Variants in PKMYT1 observed in about 807,000 individuals in gnomAD.
PKMYT1 encodes the protein protein kinase, membrane associated tyrosine/threonine 1, also known as membrane-associated tyrosine- and threonine-specific cdc2-inhibitory kinase.
In PKMYT1, 35 loss-of-function variants were observed where a neutral mutation model predicts 49.7. The observed-to-expected ratio is 0.70, with a 90% CI of 0.54 to 0.93. The LOEUF is 0.93. PKMYT1 is among the 40% of genes least tolerant of loss of function. The probability of loss-of-function intolerance (pLI) is 0.00; values close to 1 mark genes in which losing one functional copy is unlikely to be tolerated. For missense variants in PKMYT1, 677 were observed against 673.1 expected, an observed-to-expected ratio of 1.01 and a Z score of -0.06; for synonymous variants, 331 against 287.6, an observed-to-expected ratio of 1.15 and a Z score of -1.53.
chr16:2,973,262 T>C, intron 7 of PKMYT1, 47 bp from the exon 8 acceptor site: 1 of 1,481,544 alleles, frequency 6.7e-7, no homozygotes, highest in Non-Finnish European at 9.0e-7. Flanking sequence ...GGCTAGGGAG[T>C]GCCGGATGAA....
rs745515868 is a variant in PKMYT1 at position 2,974,139 on chromosome 16, A to G, written c.1171T>C (p.Cys391Arg). Residue 391 changes from cysteine to arginine, a missense_variant, in exon 7 of 9, where the codon TGC becomes CGC. Coordinates refer to ENST00000262300, the MANE Select transcript of PKMYT1 (RefSeq NM_004203.5). Reference protein sequence around the residue: ...ALWQALLALLCWLWHGLAHPA... With the variant: ...ALWQALLALLRWLWHGLAHPA... ...TGAGCCAGCCCATGCCAGAGCCAGC[A>G]GAGCAGGGCAAGCAGGGCCTGTGGG... The G allele has an allele frequency of 6.2e-7, 1 of 1,603,428 alleles. No homozygotes were observed. Among genetic ancestry groups the G allele is most frequent in the South Asian group, 1.1e-5 (1 of 89,614 alleles).
At chr16:2,977,870 T>G (rs1027242809) in intron 2 of PKMYT1, among the ~76,000 whole-genome samples, 11 of 152,178 alleles carry the variant, frequency 7.2e-5, no homozygotes, top group African/African-American at 2.7e-4. Flanking sequence ...CAGCTCCACA[T>G]GGCAGAGGCT....
In PKMYT1 at chr16:2,972,829, A is replaced by G; in HGVS notation, c.*124T>C. On this transcript the variant is annotated 3_prime_UTR_variant, in exon 9 of 9. Transcript: ENST00000262300. ...AAGCTTGGGTGCTCCCAAGGTTCAA[A>G]TACTTTTTATTAGACACGGCCAGGC... The G allele has an allele frequency of 5.9e-6, 9 of 1,534,180 alleles. No homozygotes were observed. Among genetic ancestry groups the G allele is most frequent in the Non-Finnish European group, 7.9e-6 (9 of 1,136,042 alleles).
At chr16:2,979,467 C>T (rs1287820151) in intron 2 of PKMYT1, 181 bp downstream of exon 2, 9 of 621,052 alleles carry the variant, frequency 1.4e-5, no homozygotes, top group Middle Eastern at 2.9e-4. Context: ...GAGACTCTTC[C>T]TCTGACTCTA....
At chr16:2,977,312 G>T in intron 2 of PKMYT1, 1 of 1,250,060 alleles carries the variant, frequency 8.0e-7, no homozygotes, top group East Asian at 3.4e-5. Flanking sequence ...TTAAGAGCAA[G>T]GCAGTTTGGA....
chr16:2,980,027 G>C, intron 1 of PKMYT1, 115 bp from the exon 2 acceptor site: 1 of 303,394 alleles, frequency 3.3e-6, no homozygotes, highest in Non-Finnish European at 6.3e-6. Context: ...CGGGGAGGGC[G>C]GCGGCGCGGG....
chr16:2,974,358 G>A lies in PKMYT1; in HGVS notation c.1039C>T (p.Arg347Trp), dbSNP rs146494915. ...VMMLEPDPKL[R>W]ATAEALLALP... The stretch of plus-strand genomic sequence containing the variant: ...GCCAGCAGGGCCTCGGCCGTGGCCC[G>A]CAGCTTGGGGTCTGGCTCCAGCATC... The change falls in exon 6 of 9, where the codon CGG becomes TGG. Residue 347 changes from arginine (R) to tryptophan (W), a missense_variant. Arg to Trp is a moderately radical substitution (Grantham distance 101). Coordinates refer to ENST00000262300, the MANE Select transcript of PKMYT1 (RefSeq NM_004203.5). 3.1e-6 allele frequency: 5 copies of A among 1,610,432 alleles called. No homozygotes were observed. The highest frequency in any genetic ancestry group is 1.3e-5 in the African/African-American group (1 of 75,012).
chr16:2,973,744 G>C, intron 7 of PKMYT1: 1 of 577,746 alleles, frequency 1.7e-6, no homozygotes. Context: ...CCTCCACTGG[G>C]GTCGGGGCTG....
At chr16:2,977,273 C>T (rs1196313155) in intron 2 of PKMYT1, 1 of 1,360,356 alleles carries the variant, frequency 7.4e-7, no homozygotes, top group African/African-American at 1.5e-5. Flanking sequence ...AACCATGGGG[C>T]CCGTGTTCTT....
In PKMYT1 at chr16:2,973,121, C is replaced by T. The variant is rs753518767; in HGVS notation, c.1388+17G>A. 1.3e-6 allele frequency: 2 copies of T among 1,558,512 alleles called. No individual in the cohort carries two copies. The highest frequency in any genetic ancestry group is 4.6e-5 in the East Asian group (2 of 43,234). ...CAAAAGCTAGCCCTGCCCACCCCAG[C>T]CCCTGGACCTGCTTACCTGGGTGTG... On this transcript the variant is annotated intron_variant, in intron 8 of 8. Transcript: ENST00000262300.
In PKMYT1 at chr16:2,979,692, G is replaced by A. The variant is rs746926825; in HGVS notation, c.-35C>T. The A allele has an allele frequency of 5.6e-6, 9 of 1,613,346 alleles. No homozygotes were observed. The highest frequency in any genetic ancestry group is 5.9e-6 in the Non-Finnish European group (7 of 1,179,668). ...GGCCCAACAGCCTCAGTGGTGGGACGGGGGAGGCAGGAGCAGGGGCTCCCA... is the reference window on the plus strand; with the variant it reads ...GGCCCAACAGCCTCAGTGGTGGGACAGGGGAGGCAGGAGCAGGGGCTCCCA... On this transcript the variant is annotated 5_prime_UTR_variant, in exon 2 of 9. Transcript: ENST00000262300.
Position 2,975,361 on chromosome 16 carries a change from TCGGGGGCCATGTAG to T in PKMYT1, c.816_829del (p.Tyr273AlafsTer46), listed in dbSNP as rs2151073658. 6.2e-7 allele frequency: 1 copy of T among 1,612,880 alleles called. No homozygotes were observed. The highest frequency in any genetic ancestry group is 2.2e-5 in the East Asian group (1 of 44,882). ...TGTCCCATAGGAGCCCTGCAGCAGC[TCGGGGGCCATGTAG>T]CGGGGGTCTCCCTCCTGGACCTCAC... On this transcript the variant is annotated frameshift_variant, in exon 4 of 9. Transcript: ENST00000262300. LOFTEE classifies it high-confidence loss of function.
intron 2 of PKMYT1, chr16:2,979,392 G>A (rs1045409028): frequency 1.0e-5 from 5 of 486,054 alleles, no homozygotes; most frequent in African/African-American, 3.9e-5. Context: ...AGTACCTGAG[G>A]GAGTACAGGG....
rs748494794 is a variant in PKMYT1, at chr16:2,974,607, C to T, written c.922G>A (p.Gly308Ser). The T allele has an allele frequency of 2.3e-5, 37 of 1,580,178 alleles. No homozygotes were observed. Among genetic ancestry groups the T allele is most frequent in the East Asian group, 9.2e-5 (4 of 43,502 alleles). Reference sequence around the variant, plus strand: ...CGCAGCTGCTGCCAGCCCTCCCCACCGTGGGGCAGCTCCATGTTGCATGCC... The same window carrying T: ...CGCAGCTGCTGCCAGCCCTCCCCACTGTGGGGCAGCTCCATGTTGCATGCC... The part of the protein sequence containing the change: ...EVACNMELPH[G>S]GEGWQQLRQG... Residue 308 changes from glycine (G) to serine (S), a missense_variant, in exon 5 of 9, where the codon GGT becomes AGT. Physicochemically the swap from Gly to Ser is moderately conservative, Grantham distance 56. Transcript: ENST00000262300.
intron 4 of PKMYT1, 51 bp from the exon 5 acceptor site, chr16:2,974,707 C>G (rs1268132242): frequency 8.1e-7 from 1 of 1,241,536 alleles, no homozygotes; most frequent in Non-Finnish European, 1.1e-6. Flanking sequence ...CCCTGGGACA[C>G]AGACCCAGTC....
Position 2,976,974 on chromosome 16 carries a change from C to T in PKMYT1, c.68G>A (p.Gly23Asp). 1 of 1,559,940 alleles carries T rather than the reference C, an allele frequency of 6.4e-7. No homozygotes were observed. Among genetic ancestry groups the T allele is most frequent in the Non-Finnish European group, 8.7e-7 (1 of 1,152,040 alleles). The change falls in exon 3 of 9, where the codon GGC (glycine) becomes GAC (aspartate). Residue 23 changes from glycine to aspartate, a missense_variant. Coordinates refer to ENST00000262300, the MANE Select transcript of PKMYT1 (RefSeq NM_004203.5). ...PTEGTPPPLS[G>D]TPIPVPAYFR... ...GTAGGCTGGGACTGGGATGGGGGTG[C>T]CACTCAGAGGTGGCGGGGTGCCCTC...
rs1415075143 is a variant in PKMYT1, at chr16:2,972,957, G to A, written c.1496C>T (p.Thr499Ile). 1.9e-6 allele frequency: 3 copies of A among 1,604,246 alleles called. No homozygotes were observed. The highest frequency in any genetic ancestry group is 2.2e-5 in the South Asian group (2 of 89,054). Residue 499 changes from threonine (T) to isoleucine (I), a missense_variant, in exon 9 of 9, where the codon ACC becomes ATC. By Grantham distance (89) the Thr-to-Ile change is moderately conservative (BLOSUM62 -1). Transcript: ENST00000262300. ...LSLFEDTLDPT is the reference protein window; with the variant it reads ...LSLFEDTLDPI ...TGCAGAGGCAGAGTCTGGGGCTCAG[G>A]TTGGGTCTAGGGTGTCCTCAAACAG...
chr16:2,972,837 T>C lies in PKMYT1; in HGVS notation c.*116A>G. ...GTGCTCCCAAGGTTCAAATACTTTT[T>C]ATTAGACACGGCCAGGCAGAGAAGA... is the stretch of plus-strand genomic sequence containing the variant. On this transcript the variant is annotated 3_prime_UTR_variant, in exon 9 of 9. Transcript: ENST00000262300. The C allele has an allele frequency of 6.5e-7, 1 of 1,532,356 alleles. No homozygotes were observed. 94.9% of individuals were successfully genotyped at this position (1,532,356 alleles called of 1,614,324 possible).
chr16:2,979,633 T>C lies in PKMYT1; in HGVS notation c.10+15A>G. On this transcript the variant is annotated intron_variant, in intron 2 of 8. Coordinates refer to ENST00000262300, the MANE Select transcript of PKMYT1 (RefSeq NM_004203.5). ...CTTAACCCAGTTCTCCCACCGTCCC[T>C]GCCCTACGACTTACGTTCTAGCATG... 2 of 1,608,776 alleles carry C rather than the reference T, an allele frequency of 1.2e-6. No homozygotes were observed. Among genetic ancestry groups the C allele is most frequent in the Non-Finnish European group, 1.7e-6 (2 of 1,175,158 alleles).
Sources: allele counts gnomAD v4.1 joint callset (sites outside exome capture counted in the v4.1 genomes callset), GRCh38; gene constraint gnomAD v4.1.1; transcripts MANE v1.5; gene names NCBI Gene and HGNC (gene_info 2026-07-23, HGNC 2026-07-21).